Variants in ADCY2 observed in about 807,000 individuals in gnomAD.
The protein encoded by ADCY2 is adenylate cyclase type 2.
ADCY2 carries 31 observed loss-of-function variants against 125.2 expected under a neutral mutation model. The observed-to-expected ratio is 0.25, with a 90% CI of 0.19 to 0.33. The LOEUF is 0.33. Ranked by LOEUF, ADCY2 falls within the 10% of genes least tolerant of loss-of-function variation. The pLI, the probability that ADCY2 is intolerant of heterozygous loss-of-function variation, is 1.00. For synonymous variants in ADCY2, 512 were observed against 548.4 expected (o/e 0.93, Z 0.93); for missense variants, 904 against 1,418.2 (o/e 0.64, Z 5.82).
intron 2 of ADCY2, among the ~76,000 whole-genome samples, chr5:7,491,256 A>ATT (rs34685344): frequency 6.8e-6 from 1 of 146,572 alleles, no homozygotes; most frequent in South Asian, 2.2e-4. Context: ...ATTAAAAATG[A>ATT]TTTTTTTTTT....
intron 3 of ADCY2, among the ~76,000 whole-genome samples, chr5:7,608,436 C>T (rs939076852): frequency 1.3e-5 from 2 of 152,030 alleles, no homozygotes; most frequent in East Asian, 1.9e-4. Context: ...GTTAGCCGGG[C>T]GTGGTGGTGC....
intron 9 of ADCY2, among the ~76,000 whole-genome samples, chr5:7,708,403 G>T (rs1179148103): frequency 6.6e-6 from 1 of 152,168 alleles, no homozygotes; most frequent in Non-Finnish European, 1.5e-5. Context: ...CAAACAGTGA[G>T]AAACTATCTC....
chr5:7,690,088 A>T (rs7714830), intron 4 of ADCY2, among the ~76,000 whole-genome samples: 1 of 152,156 alleles, frequency 6.6e-6, no homozygotes, highest in Non-Finnish European at 1.5e-5. Flanking sequence ...CTCATATGTT[A>T]TCATTTCCTT....
chr5:7,826,954 T>G lies in ADCY2; in HGVS notation c.*83T>G, dbSNP rs1211287754. On this transcript the variant is annotated 3_prime_UTR_variant, in exon 25 of 25. Coordinates refer to ENST00000338316, the MANE Select transcript of ADCY2 (RefSeq NM_020546.3). ...CTGACTGCAACTTCTGTCCCTTGTT[T>G]TTGATGTGCGTGCTGTCTGTCCTAT... 2.7e-6 allele frequency: 4 copies of G among 1,504,744 alleles called. No homozygotes were observed. The highest frequency in any genetic ancestry group is 3.6e-6 in the Non-Finnish European group (4 of 1,117,334). The allele number at this position is 1,504,744 out of a possible 1,614,324, so 93.2% of individuals were successfully genotyped here. A position where few individuals can be genotyped will look rare whatever the true frequency, so the allele number is the denominator to read the frequency against.
chr5:7,650,319 A>G (rs1739045320), intron 4 of ADCY2, among the ~76,000 whole-genome samples: 1 of 152,002 alleles, frequency 6.6e-6, no homozygotes, highest in Non-Finnish European at 1.5e-5. Flanking sequence ...CAGAAATGAA[A>G]ACTGTCTAGA....
intron 15 of ADCY2, among the ~76,000 whole-genome samples, chr5:7,752,539 A>G (rs1240707743): frequency 6.6e-6 from 1 of 151,808 alleles, no homozygotes; most frequent in Non-Finnish European, 1.5e-5. Flanking sequence ...CAAGTGTCTC[A>G]TCTTATTGTT....
At chr5:7,583,791 G>T (rs182427186) in intron 3 of ADCY2, among the ~76,000 whole-genome samples, 1 of 152,090 alleles carries the variant, frequency 6.6e-6, no homozygotes. Context: ...GACCACATAT[G>T]CTTGATTTCA....
chr5:7,803,928 A>G (rs904007382), intron 21 of ADCY2, among the ~76,000 whole-genome samples: 4 of 148,244 alleles, frequency 2.7e-5, no homozygotes, highest in African/African-American at 7.4e-5. Flanking sequence ...TTTTATATAT[A>G]TGTGTGTGTG....
chr5:7,698,918 G>T (rs1740983103), intron 7 of ADCY2, among the ~76,000 whole-genome samples: 3 of 151,960 alleles, frequency 2.0e-5, no homozygotes, highest in Non-Finnish European at 1.5e-5. Context: ...TGGGACTGCT[G>T]GGTCAAATGG....
At chr5:7,814,858 T>G (rs1192506776) in intron 22 of ADCY2, among the ~76,000 whole-genome samples, 1 of 152,196 alleles carries the variant, frequency 6.6e-6, no homozygotes, top group African/African-American at 2.4e-5. Flanking sequence ...AACGCTCATC[T>G]CAGAAGTCAC....
At chr5:7,575,347 T>C (rs79564677) in intron 3 of ADCY2, among the ~76,000 whole-genome samples, 12,342 of 152,174 alleles carry the variant, frequency 0.081, 718 homozygotes, top group Non-Finnish European at 0.12. Context: ...AACACAAAAC[T>C]GTTTTTTAAA....
chr5:7,688,200 T>C (rs1740586262), intron 4 of ADCY2, among the ~76,000 whole-genome samples: 1 of 152,058 alleles, frequency 6.6e-6, no homozygotes, highest in African/African-American at 2.4e-5. Flanking sequence ...GCCACATGCC[T>C]CCCTTCTCCC....
At chr5:7,565,229 A>G (rs541400399) in intron 3 of ADCY2, among the ~76,000 whole-genome samples, 2 of 152,338 alleles carry the variant, frequency 1.3e-5, no homozygotes, top group East Asian at 3.9e-4. Flanking sequence ...AGTTAATTGC[A>G]AATTCAGTTG....
At chr5:7,817,080 A>T in intron 23 of ADCY2, 100 bp downstream of exon 23, 1 of 865,096 alleles carries the variant, frequency 1.2e-6, no homozygotes, top group Admixed American at 2.1e-5. Flanking sequence ...TTGGAGTAGA[A>T]CAATTACAAA....
At chr5:7,661,383 A>T (rs984902388) in intron 4 of ADCY2, among the ~76,000 whole-genome samples, 5 of 152,188 alleles carry the variant, frequency 3.3e-5, no homozygotes, top group African/African-American at 1.2e-4. Context: ...GGCAAAAGCG[A>T]AAAAGAGGGA....
chr5:7,446,562 A>ATACG (rs1741262814), intron 2 of ADCY2, among the ~76,000 whole-genome samples: 1 of 152,162 alleles, frequency 6.6e-6, no homozygotes, highest in Admixed American at 6.5e-5. Flanking sequence ...ACATACATAC[A>ATACG]TACATACATA....
At chr5:7,609,823 G>A (rs1737510195) in intron 3 of ADCY2, among the ~76,000 whole-genome samples, 2 of 152,328 alleles carry the variant, frequency 1.3e-5, no homozygotes, top group South Asian at 2.1e-4. Flanking sequence ...ATAGCAGGAA[G>A]GCATTAAGAG....
Position 7,414,726 on chromosome 5 carries a change from T to C in ADCY2, c.364T>C (p.Tyr122His). ...VIWICLVAMG[Y>H]LFMCFGGTVS... The stretch of plus-strand genomic sequence containing the variant: ...ATGGATATGCCTTGTTGCCATGGGA[T>C]ACCTGTTCATGTGTTTTGGAGGCAC... The change falls in exon 2 of 25, where the codon TAC (tyrosine) becomes CAC (histidine). Residue 122 changes from tyrosine to histidine, a missense_variant. Around this residue, in one of 7 missense-constraint regions of ADCY2, gnomAD observed 121 missense variants for 161.5 expected, o/e 0.75. Coordinates refer to ENST00000338316, the MANE Select transcript of ADCY2 (RefSeq NM_020546.3). 1.2e-6 allele frequency: 2 copies of C among 1,613,886 alleles called. No homozygotes were observed. Among genetic ancestry groups the C allele is most frequent in the Non-Finnish European group, 1.7e-6 (2 of 1,179,964 alleles).
intron 20 of ADCY2, chr5:7,799,185 G>A (rs907450366): frequency 2.0e-5 from 3 of 152,316 alleles, no homozygotes; most frequent in African/African-American, 7.2e-5. Flanking sequence ...ACCCATTCTA[G>A]ACCTTGAATT....
Sources: allele counts gnomAD v4.1 joint callset (sites outside exome capture counted in the v4.1 genomes callset), GRCh38; gene constraint gnomAD v4.1.1; regional missense constraint gnomAD v4.1.1; transcripts MANE v1.5; gene names NCBI Gene and HGNC (gene_info 2026-07-23, HGNC 2026-07-21).